The following AGBL4 variants were observed in gnomAD, a reference collection of about 807,000 sequenced individuals.
AGBL4 encodes the protein AGBL carboxypeptidase 4, also known as cytosolic carboxypeptidase 6.
A neutral mutation model predicts 66.4 loss-of-function variants in AGBL4; 58 were observed. The ratio of observed to expected loss-of-function variants is 0.87; its 90% CI spans 0.71 to 1.09. The LOEUF is 1.09. Ranked by LOEUF, AGBL4 falls within the 50% of genes least tolerant of loss-of-function variation. The pLI, the probability that AGBL4 is intolerant of heterozygous loss-of-function variation, is 0.00. For missense variants in AGBL4, 579 were observed against 631.0 expected (o/e 0.92, Z 0.88); for synonymous variants, 234 against 222.9 (o/e 1.05, Z -0.44).
chr1:48,798,660 T>A (rs1301753100), intron 6 of AGBL4, among the ~76,000 whole-genome samples: 1 of 152,222 alleles, frequency 6.6e-6, no homozygotes, highest in African/African-American at 2.4e-5. Flanking sequence ...TAGGTTTAAA[T>A]CTTTGATCTA....
At chr1:49,741,771 A>G (rs1558211583) in intron 2 of AGBL4, among the ~76,000 whole-genome samples, 1 of 152,240 alleles carries the variant, frequency 6.6e-6, no homozygotes, top group Non-Finnish European at 1.5e-5. Context: ...AATGTAGTCC[A>G]GCATATAAAC....
intron 4 of AGBL4, among the ~76,000 whole-genome samples, chr1:49,164,995 CATAA>C (rs1349243397): frequency 2.6e-5 from 4 of 152,016 alleles, no homozygotes; most frequent in Non-Finnish European, 5.9e-5. Context: ...CCTGCCTTTC[CATAA>C]ATAATCAGTA....
chr1:48,795,405 C>T (rs1002399012), intron 6 of AGBL4, among the ~76,000 whole-genome samples: 1 of 152,072 alleles, frequency 6.6e-6, no homozygotes. Flanking sequence ...TCCCCCTTTT[C>T]CTCAACCCCT....
intron 4 of AGBL4, among the ~76,000 whole-genome samples, chr1:49,071,222 G>A (rs1273204651): frequency 1.3e-5 from 2 of 151,742 alleles, no homozygotes; most frequent in Non-Finnish European, 2.9e-5. Context: ...TTTTTGAAGG[G>A]TTTTTTGTGT....
At chr1:48,991,778 T>C (rs1025927154) in intron 5 of AGBL4, among the ~76,000 whole-genome samples, 2 of 152,274 alleles carry the variant, frequency 1.3e-5, no homozygotes, top group Admixed American at 6.5e-5. Context: ...GAGACTCTGA[T>C]GCATTCTTTA....
At chr1:49,853,969 T>C (rs375665254) in intron 1 of AGBL4, among the ~76,000 whole-genome samples, 3 of 151,402 alleles carry the variant, frequency 2.0e-5, no homozygotes, top group African/African-American at 7.3e-5. Flanking sequence ...ATACCAGATA[T>C]AAACTAAGAT....
At chr1:48,689,203 C>CAAAAAAAAAAAAAAAAAAAAAAA (rs939955179) in intron 6 of AGBL4, among the ~76,000 whole-genome samples, 5 of 53,348 alleles carry the variant, frequency 9.4e-5, no homozygotes, top group African/African-American at 3.0e-4. Flanking sequence ...GACCCGGTCT[C>CAAAAAAAAAAAAAAAAAAAAAAA]AAAAAAAAAA....
intron 5 of AGBL4, among the ~76,000 whole-genome samples, chr1:49,009,319 C>G (rs937289033): frequency 6.6e-6 from 1 of 152,098 alleles, no homozygotes; most frequent in Non-Finnish European, 1.5e-5. Context: ...CCTCCCAAGA[C>G]TAAACCAGGA....
chr1:49,731,471 C>A (rs976519950), intron 2 of AGBL4, among the ~76,000 whole-genome samples: 1 of 152,036 alleles, frequency 6.6e-6, no homozygotes, highest in Non-Finnish European at 1.5e-5. Flanking sequence ...ATAATAAATA[C>A]GTGCTGAATC....
chr1:49,860,506 C>T (rs1646542035), intron 1 of AGBL4, among the ~76,000 whole-genome samples: 1 of 152,150 alleles, frequency 6.6e-6, no homozygotes, highest in Non-Finnish European at 1.5e-5. Flanking sequence ...GAGACCAGCC[C>T]AGGCAACATA....
chr1:49,246,523 G>C (rs1229414319), intron 3 of AGBL4, among the ~76,000 whole-genome samples: 1 of 151,712 alleles, frequency 6.6e-6, no homozygotes, highest in Non-Finnish European at 1.5e-5. Context: ...TATAATCTCA[G>C]CATACGTTTA....
chr1:49,567,626 G>T (rs1388471741), intron 3 of AGBL4, among the ~76,000 whole-genome samples: 2 of 151,894 alleles, frequency 1.3e-5, no homozygotes, highest in African/African-American at 4.8e-5. Context: ...TGTTACATAG[G>T]GAAACATGTG....
rs191943689 is a variant in AGBL4 at position 48,886,828 on chromosome 1, G to A, written c.595-19598C>T. The stretch of plus-strand genomic sequence containing the variant: ...GGCCTCCCAAAGTGCTGGCATTACA[G>A]GTGTGAGCCACCGCGCCCAGCCACG... On this transcript the variant is annotated intron_variant, in intron 5 of 13. Coordinates refer to ENST00000371839, the MANE Select transcript of AGBL4 (RefSeq NM_032785.4). Among the ~76,000 whole-genome samples the A allele has an allele frequency of 2.1e-3, 319 of 152,288 alleles. 1 individual carries two copies. Among genetic ancestry groups the A allele is most frequent in the African/African-American group, 7.5e-3 (312 of 41,558 alleles).
chr1:49,767,457 C>T (rs1643917342), intron 2 of AGBL4, among the ~76,000 whole-genome samples: 1 of 151,824 alleles, frequency 6.6e-6, no homozygotes, highest in Non-Finnish European at 1.5e-5. Context: ...GTGGTGAAAG[C>T]AGTGTTAAGA....
chr1:49,307,122 C>T (rs1277034761), intron 3 of AGBL4, among the ~76,000 whole-genome samples: 2 of 152,176 alleles, frequency 1.3e-5, no homozygotes, highest in Non-Finnish European at 2.9e-5. Context: ...TTCCTATACT[C>T]TTGAACACTG....
chr1:48,806,728 C>T (rs1277260215), intron 6 of AGBL4, among the ~76,000 whole-genome samples: 1 of 152,152 alleles, frequency 6.6e-6, no homozygotes. Context: ...GCTTCCTTTG[C>T]CATTTGGTAA....
intron 6 of AGBL4, among the ~76,000 whole-genome samples, chr1:48,790,686 G>A (rs1645528820): frequency 6.6e-6 from 1 of 152,082 alleles, no homozygotes; most frequent in African/African-American, 2.4e-5. Flanking sequence ...GTGTAGAGAG[G>A]TGAGACATTT....
At chr1:49,817,204 G>T (rs1450656545) in intron 2 of AGBL4, among the ~76,000 whole-genome samples, 1 of 152,124 alleles carries the variant, frequency 6.6e-6, no homozygotes, top group East Asian at 1.9e-4. Flanking sequence ...TCAACCCTAT[G>T]GCAGGCAAGT....
chr1:49,746,595 C>T (rs1180902515), intron 2 of AGBL4, among the ~76,000 whole-genome samples: 3 of 151,980 alleles, frequency 2.0e-5, no homozygotes, highest in African/African-American at 7.2e-5. Flanking sequence ...AGCACCATGA[C>T]ATTGTGTGGG....
Sources: allele counts gnomAD v4.1 joint callset (sites outside exome capture counted in the v4.1 genomes callset), GRCh38; gene constraint gnomAD v4.1.1; transcripts MANE v1.5; gene names NCBI Gene and HGNC (gene_info 2026-07-23, HGNC 2026-07-21).